SBF2: variants seen among roughly 807,000 people sequenced by gnomAD.
SBF2 encodes myotubularin-related protein 13.
Under a neutral mutation model 225.2 loss-of-function variants are expected in SBF2, and 112 were observed. The ratio of observed to expected loss-of-function variants is 0.50; its 90% CI spans 0.43 to 0.58. The LOEUF (loss-of-function observed/expected upper bound fraction) is 0.58. SBF2 is among the 20% of genes least tolerant of loss of function. SBF2 has a pLI of 0.00. For missense variants in SBF2, 1,996 were observed against 2,206.2 expected (o/e 0.90, Z 1.91); for synonymous variants, 763 against 773.3 (o/e 0.99, Z 0.22).
chr11:9,778,843 C>A lies in SBF2; in HGVS notation c.*1575G>T, dbSNP rs1376641973. On this transcript the variant is annotated 3_prime_UTR_variant, in exon 40 of 40. Transcript: ENST00000256190. The stretch of plus-strand genomic sequence containing the variant: ...TTAGTGAATGTGAGGCAATGTAATG[C>A]CTTCACGAAAGTTAAAGTAATCCAG... The A allele has an allele frequency of 6.6e-6, 1 of 152,546 alleles. No individual in the cohort carries two copies. The highest frequency in any genetic ancestry group is 1.5e-5 in the Non-Finnish European group (1 of 68,018). 9.4% of individuals were successfully genotyped at this position (152,546 alleles called of 1,614,324 possible). A position where few individuals can be genotyped will look rare whatever the true frequency, so the allele number is the denominator to read the frequency against.
intron 1 of SBF2, among the ~76,000 whole-genome samples, chr11:10,244,437 T>C (rs1959562097): frequency 6.6e-6 from 1 of 152,240 alleles, no homozygotes; most frequent in African/African-American, 2.4e-5. Context: ...ATGCATGGAT[T>C]TGTTTCTAGG....
chr11:10,159,249 A>G (rs1955612815), intron 2 of SBF2, among the ~76,000 whole-genome samples: 2 of 152,250 alleles, frequency 1.3e-5, no homozygotes, highest in Admixed American at 1.3e-4. Context: ...GTTTAAAAAA[A>G]GATGGTAACA....
At chr11:9,809,912 A>C (rs1854082191) in intron 30 of SBF2, among the ~76,000 whole-genome samples, 2 of 152,186 alleles carry the variant, frequency 1.3e-5, no homozygotes, top group Admixed American at 1.3e-4. Flanking sequence ...TTGTGGACAT[A>C]CCAAAAAGCG....
At chr11:10,249,934 G>A (rs184276700) in intron 1 of SBF2, among the ~76,000 whole-genome samples, 1 of 151,772 alleles carries the variant, frequency 6.6e-6, no homozygotes, top group Non-Finnish European at 1.5e-5. Context: ...GAGACGTAAA[G>A]AGAATTATTT....
At chr11:9,817,049 G>A (rs748011888) in intron 28 of SBF2, 25 bp from the exon 29 acceptor site, 2 of 1,613,222 alleles carry the variant, frequency 1.2e-6, no homozygotes, top group African/African-American at 1.3e-5. Context: ...AAGTCGTGGA[G>A]TGAGATAATC....
At chr11:10,230,789 T>C (rs373147822) in intron 1 of SBF2, among the ~76,000 whole-genome samples, 1 of 152,196 alleles carries the variant, frequency 6.6e-6, no homozygotes, top group East Asian at 1.9e-4. Context: ...TTATGTATCT[T>C]GGAGTTGCTC....
At chr11:9,928,029 T>C (rs1864188468) in intron 16 of SBF2, among the ~76,000 whole-genome samples, 1 of 151,940 alleles carries the variant, frequency 6.6e-6, no homozygotes, top group Non-Finnish European at 1.5e-5. Flanking sequence ...TGAGAGAAAA[T>C]TTTTGTCACT....
intron 32 of SBF2, among the ~76,000 whole-genome samples, chr11:9,796,428 G>A (rs577650247): frequency 1.3e-5 from 2 of 152,160 alleles, no homozygotes; most frequent in Non-Finnish European, 2.9e-5. Flanking sequence ...GGCAACTGTG[G>A]TGTAATAGTG....
intron 38 of SBF2, among the ~76,000 whole-genome samples, chr11:9,783,777 G>A (rs4910063): frequency 0.28 from 42,130 of 152,046 alleles, 5,970 homozygotes; most frequent in Middle Eastern, 0.4. Context: ...CCCTTCTGCC[G>A]CTTTTGGGGC....
intron 13 of SBF2, among the ~76,000 whole-genome samples, chr11:9,980,127 C>T (rs1342714686): frequency 4.6e-5 from 7 of 151,196 alleles, no homozygotes; most frequent in African/African-American, 1.2e-4. Context: ...ATTACAGGCA[C>T]GTGCCACCAT....
chr11:10,109,483 C>T (rs562069733), intron 2 of SBF2, among the ~76,000 whole-genome samples: 10 of 152,284 alleles, frequency 6.6e-5, no homozygotes, highest in African/African-American at 1.7e-4. Context: ...CCCACAAATG[C>T]TGCTGCTTTA....
At chr11:9,922,584 T>TAAAAAA (rs1863717984) in intron 16 of SBF2, among the ~76,000 whole-genome samples, 1 of 152,214 alleles carries the variant, frequency 6.6e-6, no homozygotes, top group Non-Finnish European at 1.5e-5. Context: ...TTTTTTTTAT[T>TAAAAAA]TCACACAAAT....
intron 16 of SBF2, among the ~76,000 whole-genome samples, 165 bp from the exon 17 acceptor site, chr11:9,896,176 A>C (rs2134135015): frequency 1.3e-5 from 2 of 152,344 alleles, no homozygotes; most frequent in East Asian, 3.8e-4. Flanking sequence ...CCAAATTGCC[A>C]TTAAGACATA....
chr11:9,966,051 G>A (rs529634663), intron 14 of SBF2, among the ~76,000 whole-genome samples: 134 of 151,590 alleles, frequency 8.8e-4, no homozygotes, highest in African/African-American at 3.1e-3. Context: ...TTTTCTTTAG[G>A]CTGAGTTATT....
chr11:10,157,286 TAAATA>T (rs1955522850), intron 2 of SBF2, among the ~76,000 whole-genome samples: 1 of 152,170 alleles, frequency 6.6e-6, no homozygotes, highest in South Asian at 2.1e-4. Flanking sequence ...ATTAAAGAGT[TAAATA>T]CAAAACTCCA....
At chr11:10,088,729 C>A (rs1451190694) in intron 2 of SBF2, among the ~76,000 whole-genome samples, 1 of 152,170 alleles carries the variant, frequency 6.6e-6, no homozygotes, top group African/African-American at 2.4e-5. Context: ...GGGGGTGTAC[C>A]CCCACGATCC....
At chr11:10,076,924 A>C (rs1463287374) in intron 2 of SBF2, among the ~76,000 whole-genome samples, 1 of 152,168 alleles carries the variant, frequency 6.6e-6, no homozygotes, top group East Asian at 1.9e-4. Flanking sequence ...ATCAACCTGC[A>C]TCTGAGGAAG....
intron 17 of SBF2, among the ~76,000 whole-genome samples, chr11:9,872,816 G>A (rs551278968): frequency 1.3e-5 from 2 of 152,210 alleles, no homozygotes; most frequent in South Asian, 4.1e-4. Context: ...AGGAGTTCGA[G>A]TAAATAATAA....
intron 1 of SBF2, among the ~76,000 whole-genome samples, chr11:10,259,614 A>T (rs566803747): frequency 6.6e-6 from 1 of 152,302 alleles, no homozygotes; most frequent in South Asian, 2.1e-4. Flanking sequence ...TATAGAACTA[A>T]TAATATTAAA....
Sources: allele counts gnomAD v4.1 joint callset (sites outside exome capture counted in the v4.1 genomes callset), GRCh38; gene constraint gnomAD v4.1.1; transcripts MANE v1.5; gene names NCBI Gene and HGNC (gene_info 2026-07-23, HGNC 2026-07-21).